The following AUTS2 variants were observed in gnomAD, a reference collection of about 807,000 sequenced individuals.
AUTS2 encodes autism susceptibility gene 2 protein.
AUTS2 carries 17 observed loss-of-function variants against 112.4 expected under a neutral mutation model. The observed-to-expected ratio is 0.15, with a 90% confidence interval of 0.10 to 0.23. The LOEUF (loss-of-function observed/expected upper bound fraction) is 0.23, where lower values mean the gene tolerates loss of function less well. Among genes scored for constraint, AUTS2 ranks in the 10% least tolerant of loss-of-function variants. The pLI is 1.00. For synonymous variants in AUTS2, 751 were observed against 702.7 expected (o/e 1.07, Z -1.09); for missense variants, 1,510 against 1,701.6 (o/e 0.89, Z 1.98).
chr7:70,595,650 T>C (rs35861509), intron 5 of AUTS2, among the ~76,000 whole-genome samples: 16,205 of 152,176 alleles, frequency 0.11, 1,354 homozygotes, highest in African/African-American at 0.22. Context: ...CCTTCACAGC[T>C]CCTTCATCCT....
intron 5 of AUTS2, among the ~76,000 whole-genome samples, chr7:70,520,985 C>A (rs1207200282): frequency 3.3e-5 from 5 of 152,112 alleles, no homozygotes; most frequent in Admixed American, 3.3e-4. Flanking sequence ...GGTTCATATT[C>A]TTTTCTTCCT....
chr7:70,714,068 A>G (rs186955683), intron 6 of AUTS2, among the ~76,000 whole-genome samples: 81 of 152,274 alleles, frequency 5.3e-4, no homozygotes, highest in African/African-American at 1.9e-3. Flanking sequence ...TGCCTTTTTC[A>G]ATAGGGAATA....
chr7:69,839,171 A>G (rs926622134), intron 1 of AUTS2, among the ~76,000 whole-genome samples: 2 of 152,184 alleles, frequency 1.3e-5, no homozygotes, highest in Non-Finnish European at 2.9e-5. Context: ...TGGAGTTAAC[A>G]TTAACATCTG....
At chr7:69,720,417 C>A (rs73438124) in intron 1 of AUTS2, among the ~76,000 whole-genome samples, 23 of 152,246 alleles carry the variant, frequency 1.5e-4, no homozygotes, top group Admixed American at 1.2e-3. Flanking sequence ...AGGTGTACTT[C>A]ACCTGACCTA....
In AUTS2 at chr7:69,632,647, TTC is replaced by T. The variant is rs1794312037; in HGVS notation, c.309+32689_309+32690del. Among the ~76,000 whole-genome samples the T allele has an allele frequency of 2.0e-5, 3 of 149,764 alleles. No individual in the cohort carries two copies. The South Asian group carries it at 6.5e-4, about 33-fold the overall frequency. Reference sequence around the variant, plus strand: ...TGTTTTCTTTCTCTTTCCTTTCCCTTTCTCTTTCCTTAATTTTCTTTTCTTTC... The same window carrying T: ...TGTTTTCTTTCTCTTTCCTTTCCCTTTCTTTCCTTAATTTTCTTTTCTTTC... On this transcript the variant is annotated intron_variant, in intron 1 of 18. Coordinates refer to ENST00000342771, the MANE Select transcript of AUTS2 (RefSeq NM_015570.4).
chr7:70,083,552 A>T lies in AUTS2; in HGVS notation c.523-34580A>T, dbSNP rs530325980. 2.6e-5 allele frequency among the ~76,000 whole-genome samples: 4 copies of T among 152,284 alleles called. No homozygotes were observed. In the South Asian group the frequency reaches 8.3e-4, roughly 32 times the overall value. On this transcript the variant is annotated intron_variant, in intron 2 of 18. Transcript: ENST00000342771. ...TTGTATTTTCCTTTTGTTTGTAACA[A>T]CTTTATTGAGATATAATTGGCATAT...
chr7:70,378,123 T>C (rs1350090636), intron 4 of AUTS2, among the ~76,000 whole-genome samples: 1 of 152,166 alleles, frequency 6.6e-6, no homozygotes, highest in African/African-American at 2.4e-5. Flanking sequence ...TGTGTCAGAA[T>C]TGCCTTCCTT....
chr7:70,453,724 G>A (rs902697676), intron 5 of AUTS2, among the ~76,000 whole-genome samples: 2 of 152,170 alleles, frequency 1.3e-5, no homozygotes, highest in African/African-American at 4.8e-5. Flanking sequence ...TCTTCATGTG[G>A]CCTTTTCCTC....
At chr7:70,598,229 G>A (rs968958021) in intron 5 of AUTS2, among the ~76,000 whole-genome samples, 1 of 152,128 alleles carries the variant, frequency 6.6e-6, no homozygotes, top group African/African-American at 2.4e-5. Context: ...CCCTAGTCCT[G>A]TTTTGTCATT....
At chr7:70,530,652 TTAGCCTGGCCACTGCTTATG>T (rs1800047580) in intron 5 of AUTS2, among the ~76,000 whole-genome samples, 1 of 152,096 alleles carries the variant, frequency 6.6e-6, no homozygotes, top group African/African-American at 2.4e-5. Flanking sequence ...ACCGTGGAAA[TTAGCCTGGCCACTGCTTATG>T]GTCACTGCTT....
intron 2 of AUTS2, among the ~76,000 whole-genome samples, chr7:70,088,344 G>A (rs1172196144): frequency 6.6e-6 from 1 of 151,780 alleles, no homozygotes; most frequent in South Asian, 2.1e-4. Context: ...AGCCAGGATC[G>A]TCTCGATTTC....
chr7:70,395,306 AGG>A (rs1794030046), intron 4 of AUTS2, among the ~76,000 whole-genome samples: 1 of 152,220 alleles, frequency 6.6e-6, no homozygotes, highest in African/African-American at 2.4e-5. Flanking sequence ...TGGGAGGACA[AGG>A]TGAGAGGATC....
At chr7:69,729,307 G>A (rs777228910) in intron 1 of AUTS2, among the ~76,000 whole-genome samples, 23 of 151,362 alleles carry the variant, frequency 1.5e-4, no homozygotes, top group Non-Finnish European at 4.4e-5. Flanking sequence ...ACACATACTC[G>A]CATGCACACA....
At chr7:69,874,876 G>A (rs1253125125) in intron 1 of AUTS2, among the ~76,000 whole-genome samples, 2 of 151,528 alleles carry the variant, frequency 1.3e-5, no homozygotes, top group African/African-American at 4.9e-5. Flanking sequence ...TCACCATGTC[G>A]GCCAGGCTGG....
chr7:70,146,670 A>G (rs1401729103), intron 4 of AUTS2, among the ~76,000 whole-genome samples: 1 of 152,148 alleles, frequency 6.6e-6, no homozygotes, highest in African/African-American at 2.4e-5. Flanking sequence ...ATTGCTAAAC[A>G]TATATTATAG....
chr7:70,685,755 A>G (rs1808444347), intron 5 of AUTS2, among the ~76,000 whole-genome samples: 1 of 152,206 alleles, frequency 6.6e-6, no homozygotes, highest in Non-Finnish European at 1.5e-5. Context: ...TAAAATGGCT[A>G]AAATGCCTCT....
chr7:70,489,583 TA>T (rs1349803127), intron 5 of AUTS2, among the ~76,000 whole-genome samples: 1 of 152,226 alleles, frequency 6.6e-6, no homozygotes, highest in Non-Finnish European at 1.5e-5. Flanking sequence ...TATACTTGGG[TA>T]ACTCTAATTC....
intron 4 of AUTS2, among the ~76,000 whole-genome samples, chr7:70,224,499 A>G (rs1342759711): frequency 2.6e-5 from 4 of 152,232 alleles, no homozygotes; most frequent in Non-Finnish European, 5.9e-5. Context: ...TTTAAGCTAA[A>G]TGTTATTAAA....
chr7:70,275,835 T>A (rs1787903161), intron 4 of AUTS2, among the ~76,000 whole-genome samples: 1 of 152,220 alleles, frequency 6.6e-6, no homozygotes, highest in African/African-American at 2.4e-5. Flanking sequence ...CCTTCTGCCA[T>A]GATCGTAAGT....
Sources: gnomAD v4.1 joint callset for allele counts (sites outside exome capture counted in the v4.1 genomes callset) on GRCh38, gnomAD v4.1.1 for gene constraint, MANE v1.5 for transcripts, NCBI Gene and HGNC (gene_info 2026-07-23, HGNC 2026-07-21) for gene names.